The following DPYSL5 variants were observed in gnomAD, a reference collection of about 807,000 sequenced individuals.
DPYSL5 encodes dihydropyrimidinase like 5, also known as dihydropyrimidinase-related protein 5.
Under a neutral mutation model 58.4 loss-of-function variants are expected in DPYSL5, and 9 were observed. That is an observed-to-expected ratio of 0.15 (90% CI 0.09 to 0.27). The LOEUF is 0.27. DPYSL5 is among the 10% of genes least tolerant of loss of function. The pLI, the probability that DPYSL5 is intolerant of heterozygous loss-of-function variation, is 1.00. For missense variants in DPYSL5, 499 were observed against 770.6 expected (o/e 0.65, Z 4.17); for synonymous variants, 293 against 301.9 (o/e 0.97, Z 0.31).
At position 26,944,873 on chromosome 2, in the gene DPYSL5, G is replaced by A; in HGVS notation, c.1609+49G>A. 3.8e-6 allele frequency: 6 copies of A among 1,576,158 alleles called. No homozygotes were observed. Among genetic ancestry groups the A allele is most frequent in the Non-Finnish European group, 4.3e-6 (5 of 1,154,096 alleles). On this transcript the variant is annotated intron_variant, in intron 12 of 12. Transcript: ENST00000288699. The surrounding 1 kb of genome is among the most constrained non-coding windows in gnomAD (Gnocchi z 4.4). Reference sequence around the variant, plus strand: ...GGAGGATGGGGGTCTGGGAGAAGTGGCCCACCTAGGCAGTGGGACTTACGC... The same window carrying A: ...GGAGGATGGGGGTCTGGGAGAAGTGACCCACCTAGGCAGTGGGACTTACGC...
At chr2:26,860,503 A>G (rs548569627) in intron 1 of DPYSL5, among the ~76,000 whole-genome samples, 1 of 152,364 alleles carries the variant, frequency 6.6e-6, no homozygotes, top group East Asian at 1.9e-4. Flanking sequence ...AAAACTGCAC[A>G]TTCCTTTTAA....
Position 26,924,804 on chromosome 2 carries a change from G to A in DPYSL5, c.262-83G>A. Reference sequence around the variant, plus strand: ...GTGAGGCAGGGCCTGTCTTTGAATGGACCATGAGGACCATGTCTCACCACA... The same window carrying A: ...GTGAGGCAGGGCCTGTCTTTGAATGAACCATGAGGACCATGTCTCACCACA... On this transcript the variant is annotated intron_variant, in intron 2 of 12. Transcript: ENST00000288699. The surrounding 1 kb of genome is among the most constrained non-coding windows in gnomAD (Gnocchi z 4.7). The A allele has an allele frequency of 6.6e-7, 1 of 1,517,034 alleles. No homozygotes were observed. The highest frequency in any genetic ancestry group is 1.3e-5 in the South Asian group (1 of 76,090). 94.0% of individuals were successfully genotyped at this position (1,517,034 alleles called of 1,614,324 possible). A position where few individuals can be genotyped will look rare whatever the true frequency, so the allele number is the denominator to read the frequency against.
intron 1 of DPYSL5, among the ~76,000 whole-genome samples, chr2:26,853,892 T>C (rs1665815257): frequency 6.6e-6 from 1 of 152,002 alleles, no homozygotes; most frequent in South Asian, 2.1e-4. Context: ...TAAAAAAAAT[T>C]AGCCAGGTGG....
chr2:26,913,173 C>T (rs1476425693), intron 2 of DPYSL5, among the ~76,000 whole-genome samples: 1 of 152,170 alleles, frequency 6.6e-6, no homozygotes, highest in African/African-American at 2.4e-5. Context: ...CAACCATCAC[C>T]ACTGCCCACC....
At chr2:26,872,623 G>T (rs955689234) in intron 1 of DPYSL5, among the ~76,000 whole-genome samples, 3 of 152,092 alleles carry the variant, frequency 2.0e-5, no homozygotes, top group Non-Finnish European at 2.9e-5. Context: ...CCAGGAGGCG[G>T]AGGTTGCAGT....
chr2:26,882,332 A>G (rs923122493), intron 1 of DPYSL5, among the ~76,000 whole-genome samples: 5 of 151,704 alleles, frequency 3.3e-5, no homozygotes, highest in African/African-American at 1.2e-4. Flanking sequence ...TGCAGTCCCG[A>G]CCTCCTTGGC....
At chr2:26,937,218 A>G (rs1453123925) in intron 8 of DPYSL5, among the ~76,000 whole-genome samples, 2 of 152,130 alleles carry the variant, frequency 1.3e-5, no homozygotes, top group East Asian at 3.8e-4. Flanking sequence ...TTAAGTTTTT[A>G]TATCTAGCTT....
intron 1 of DPYSL5, among the ~76,000 whole-genome samples, chr2:26,869,464 T>A (rs986942276): frequency 6.6e-6 from 1 of 152,066 alleles, no homozygotes; most frequent in African/African-American, 2.4e-5. Context: ...ACACTCCCCA[T>A]TCCCACCCCC....
intron 1 of DPYSL5, among the ~76,000 whole-genome samples, chr2:26,865,155 A>G (rs1247770318): frequency 6.6e-6 from 1 of 152,114 alleles, no homozygotes; most frequent in Non-Finnish European, 1.5e-5. Flanking sequence ...CTGATTTTGT[A>G]TTAAAATAAC....
intron 6 of DPYSL5, among the ~76,000 whole-genome samples, chr2:26,931,891 C>T (rs376384408): frequency 6.7e-6 from 1 of 150,198 alleles, no homozygotes; most frequent in Admixed American, 6.6e-5. Context: ...ACCTGTAATC[C>T]CAGCTACTCA....
chr2:26,907,903 C>T (rs2148144702), intron 2 of DPYSL5, among the ~76,000 whole-genome samples: 1 of 152,248 alleles, frequency 6.6e-6, no homozygotes, highest in African/African-American at 2.4e-5. Context: ...CCCGCGTAGC[C>T]CTAACGGTGT....
chr2:26,930,906 G>A (rs1003424997), intron 5 of DPYSL5, among the ~76,000 whole-genome samples: 2 of 151,394 alleles, frequency 1.3e-5, no homozygotes, highest in Non-Finnish European at 2.9e-5. Flanking sequence ...CCCAGGAGGC[G>A]GAGCTTGCAG....
intron 1 of DPYSL5, among the ~76,000 whole-genome samples, chr2:26,859,184 A>T (rs899104702): frequency 6.6e-6 from 1 of 152,068 alleles, no homozygotes; most frequent in Non-Finnish European, 1.5e-5. Flanking sequence ...TTCATATGTT[A>T]TTAGATTCTA....
chr2:26,877,429 G>T lies in DPYSL5; in HGVS notation c.-4-21067G>T, dbSNP rs569812215. On this transcript the variant is annotated intron_variant, in intron 1 of 12. Coordinates refer to ENST00000288699, the MANE Select transcript of DPYSL5 (RefSeq NM_020134.4). This position sits in a 1 kb window ranked among gnomAD's most constrained non-coding sequence, Gnocchi z 4.1. ...CATGTAACTCATGGATGCAGGGGAC[G>T]CACATTGTCTGCATTCCTGTTTTCT... Among the ~76,000 whole-genome samples, 2 of 152,088 alleles carry T rather than the reference G, an allele frequency of 1.3e-5. No individual in the cohort carries two copies. Among genetic ancestry groups the T allele is most frequent in the African/African-American group, 4.8e-5 (2 of 41,404 alleles).
Position 26,944,847 on chromosome 2 carries a change from A to C in DPYSL5, c.1609+23A>C. 6.2e-7 allele frequency: 1 copy of C among 1,611,698 alleles called. No homozygotes were observed. The highest frequency in any genetic ancestry group is 8.5e-7 in the Non-Finnish European group (1 of 1,178,732). ...CTGGTAAGAGTCAGGGGGCCACGGG[A>C]GGAGGATGGGGGTCTGGGAGAAGTG... is the stretch of plus-strand genomic sequence containing the variant. On this transcript the variant is annotated intron_variant, in intron 12 of 12. Coordinates refer to ENST00000288699, the MANE Select transcript of DPYSL5 (RefSeq NM_020134.4). The surrounding 1 kb of genome is among the most constrained non-coding windows in gnomAD (Gnocchi z 4.4).
intron 1 of DPYSL5, among the ~76,000 whole-genome samples, chr2:26,850,147 C>T (rs1368070296): frequency 5.9e-5 from 9 of 152,182 alleles, no homozygotes; most frequent in African/African-American, 1.9e-4. Flanking sequence ...TGGAAATGAT[C>T]CCGCAAGGGT....
chr2:26,933,355 G>T lies in DPYSL5; in HGVS notation c.790+22G>T. The stretch of plus-strand genomic sequence containing the variant: ...CAAGGTGAGTCCATAGACTTGGCTG[G>T]ACAGAGCAGGTCAAGTGGAGGGACT... On this transcript the variant is annotated intron_variant, in intron 7 of 12. Coordinates refer to ENST00000288699, the MANE Select transcript of DPYSL5 (RefSeq NM_020134.4). The surrounding 1 kb of genome is among the most constrained non-coding windows in gnomAD (Gnocchi z 4.2). 3.1e-6 allele frequency: 5 copies of T among 1,611,034 alleles called. No homozygotes were observed. The highest frequency in any genetic ancestry group is 4.2e-6 in the Non-Finnish European group (5 of 1,177,652).
Position 26,933,246 on chromosome 2 carries a change from T to G in DPYSL5, c.715-12T>G. 1 of 1,613,810 alleles carries G rather than the reference T, an allele frequency of 6.2e-7. No homozygotes were observed. Among genetic ancestry groups the G allele is most frequent in the Non-Finnish European group, 8.5e-7 (1 of 1,179,694 alleles). ...TCAACCCTCCCTACTTCCCACTGTT[T>G]CTTGTGTTTAGACTCACTGTCCAAT... On this transcript the variant is annotated splice_polypyrimidine_tract_variant and intron_variant, in intron 6 of 12. Transcript: ENST00000288699. This position sits in a 1 kb window ranked among gnomAD's most constrained non-coding sequence, Gnocchi z 4.2.
rs1326356573 is a variant in DPYSL5, at chr2:26,944,610, T to C, written c.1441-46T>C. 1 of 1,596,798 alleles carries C rather than the reference T, an allele frequency of 6.3e-7. No individual in the cohort carries two copies. The highest frequency in any genetic ancestry group is 8.5e-7 in the Non-Finnish European group (1 of 1,169,954). The stretch of plus-strand genomic sequence containing the variant: ...AGGCCATGGTTGTATCACTCAGCTC[T>C]GATGGTGTTGTCCTGTTCTTCTGCT... On this transcript the variant is annotated intron_variant, in intron 11 of 12. Transcript: ENST00000288699. The surrounding 1 kb of genome is among the most constrained non-coding windows in gnomAD (Gnocchi z 4.4).
Sources: allele counts gnomAD v4.1 joint callset (sites outside exome capture counted in the v4.1 genomes callset), GRCh38; gene constraint gnomAD v4.1.1; non-coding constraint Gnocchi (gnomAD v3.1); transcripts MANE v1.5; gene names NCBI Gene and HGNC (gene_info 2026-07-23, HGNC 2026-07-21).